IGSF10: variants seen among roughly 807,000 people sequenced by gnomAD.
IGSF10 encodes immunoglobulin superfamily member 10.
IGSF10 carries 126 observed loss-of-function variants against 128.2 expected under a neutral mutation model. The ratio of observed to expected loss-of-function variants is 0.98; its 90% CI spans 0.85 to 1.14. IGSF10 has a LOEUF of 1.14. Among genes scored for constraint, IGSF10 ranks in the 50% most tolerant of loss-of-function variants. IGSF10 has a pLI of 0.00. For missense variants in IGSF10, 3,295 were observed against 3,149.8 expected, an observed-to-expected ratio of 1.05 and a Z score of -1.10; for synonymous variants, 1,185 against 1,146.2, an observed-to-expected ratio of 1.03 and a Z score of -0.68.
the IGSF10 span, among the ~76,000 whole-genome samples, chr3:151,599,687 A>G: frequency 6.6e-6 from 1 of 152,244 alleles, no homozygotes; most frequent in Admixed American, 6.5e-5. Flanking sequence ...TCTTGTTAGT[A>G]GACATTTTTT....
At chr3:151,459,858 C>A (rs1048191518) in intron 2 of IGSF10, among the ~76,000 whole-genome samples, 3 of 152,180 alleles carry the variant, frequency 2.0e-5, no homozygotes, top group African/African-American at 7.2e-5. Flanking sequence ...CCAGCAACCA[C>A]CCTTTAGCTA....
At chr3:151,570,908 T>A in the IGSF10 span, among the ~76,000 whole-genome samples, 6 of 152,240 alleles carry the variant, frequency 3.9e-5, no homozygotes, top group African/African-American at 9.7e-5. Flanking sequence ...AATTAATTTT[T>A]GTATAAGGTG....
the IGSF10 span, among the ~76,000 whole-genome samples, chr3:151,557,865 T>C: frequency 6.7e-6 from 1 of 150,112 alleles, no homozygotes; most frequent in African/African-American, 2.5e-5. Context: ...TCATCTTCAG[T>C]ATATTGTCTA....
the IGSF10 span, among the ~76,000 whole-genome samples, chr3:151,531,581 A>G: frequency 6.6e-6 from 1 of 152,232 alleles, no homozygotes; most frequent in African/African-American, 2.4e-5. Flanking sequence ...TTCCTGAATG[A>G]CTACTGGTAA....
upstream of IGSF10, among the ~76,000 whole-genome samples, chr3:151,463,522 G>GTTTTTTTTTTTTTTTTTTTTTTTTTT (rs1553837055): frequency 6.3e-5 from 2 of 31,870 alleles, no homozygotes. Flanking sequence ...TACATTTTCT[G>GTTTTTTTTTTTTTTTTTTTTTTTTTT]GTTTTTTTTT....
chr3:151,597,899 A>C, the IGSF10 span, among the ~76,000 whole-genome samples: 1 of 144,016 alleles, frequency 6.9e-6, no homozygotes, highest in African/African-American at 2.6e-5. Context: ...CCTGGGTGAC[A>C]GGAGCAAGAC....
chr3:151,542,700 C>T, the IGSF10 span, among the ~76,000 whole-genome samples: 1 of 152,016 alleles, frequency 6.6e-6, no homozygotes, highest in Admixed American at 6.5e-5. Flanking sequence ...ATAAGGAAAA[C>T]TTCTTATAGT....
the IGSF10 span, among the ~76,000 whole-genome samples, chr3:151,478,156 A>AGT: frequency 6.6e-6 from 1 of 152,186 alleles, no homozygotes; most frequent in East Asian, 1.9e-4. Context: ...GTGACAAGGC[A>AGT]GTGGCAAAAC....
At chr3:151,576,892 A>G in the IGSF10 span, among the ~76,000 whole-genome samples, 1 of 152,120 alleles carries the variant, frequency 6.6e-6, no homozygotes, top group African/African-American at 2.4e-5. Flanking sequence ...AGAAATAACC[A>G]TAAAAATAGC....
At chr3:151,540,286 T>G in the IGSF10 span, among the ~76,000 whole-genome samples, 6 of 152,328 alleles carry the variant, frequency 3.9e-5, no homozygotes, top group East Asian at 1.2e-3. Flanking sequence ...TGATCTATAT[T>G]ATTCTCTTCT....
At chr3:151,531,102 A>C in the IGSF10 span, among the ~76,000 whole-genome samples, 1 of 152,222 alleles carries the variant, frequency 6.6e-6, no homozygotes, top group South Asian at 2.1e-4. Context: ...AGGGCATTAC[A>C]TAATGGTAAA....
rs778850625 is a variant in IGSF10 at position 151,445,926 on chromosome 3, T to G, written c.4055A>C (p.Lys1352Thr). Residue 1352 changes from lysine (K) to threonine (T), a missense_variant, in exon 6 of 8, where the codon AAG becomes ACG. Lys to Thr is a moderately conservative substitution (Grantham distance 78). Coordinates refer to ENST00000282466, the MANE Select transcript of IGSF10 (RefSeq NM_178822.5). ...QTIQREQEPQ[K>T]KNRTDPNISP... ...GATGTTTGGGTCAGTCCTGTTCTTC[T>G]TTTGAGGCTCCTGTTCTCTTTGTAT... The G allele has an allele frequency of 1.2e-6, 2 of 1,614,198 alleles. No homozygotes were observed. Among genetic ancestry groups the G allele is most frequent in the South Asian group, 1.1e-5 (1 of 91,086 alleles).
the IGSF10 span, among the ~76,000 whole-genome samples, chr3:151,496,176 C>T: frequency 6.6e-5 from 10 of 150,910 alleles, no homozygotes; most frequent in African/African-American, 1.5e-4. Context: ...GAAGGTCACA[C>T]GGCTTTTGTC....
downstream of IGSF10, chr3:151,432,869 G>T: frequency 1.7e-6 from 2 of 1,209,994 alleles, no homozygotes; most frequent in Non-Finnish European, 2.4e-6. Context: ...CAAATTTAAT[G>T]CATTAGTCAT....
At chr3:151,457,698 A>C (rs1314798558) in intron 3 of IGSF10, among the ~76,000 whole-genome samples, 1 of 152,140 alleles carries the variant, frequency 6.6e-6, no homozygotes, top group East Asian at 1.9e-4. Flanking sequence ...TAAATAATAG[A>C]ACTCACTCCA....
In IGSF10 at chr3:151,443,357, A is replaced by G. The variant is rs772967497; in HGVS notation, c.5590T>C (p.Cys1864Arg). Residue 1864 changes from cysteine to arginine, a missense_variant, in exon 7 of 8, where the codon TGT becomes CGT. Coordinates refer to ENST00000282466, the MANE Select transcript of IGSF10 (RefSeq NM_178822.5). ...GGCTGAGGAGTTCCTTTTGCAGTAC[A>G]GGGCAGTTTTAAACTTTCACCCCAA... ...GTWGESLKLP[C>R]TAKGTPQPSV... 2.5e-6 allele frequency: 4 copies of G among 1,614,250 alleles called. No individual in the cohort carries two copies. In the East Asian group the frequency reaches 6.7e-5, roughly 27 times the overall value.
At chr3:151,462,314 T>C (rs1722091986), upstream of IGSF10, among the ~76,000 whole-genome samples, 1 of 152,158 alleles carries the variant, frequency 6.6e-6, no homozygotes, top group Non-Finnish European at 1.5e-5. Flanking sequence ...GATCAAAAAT[T>C]TGCGGGATCC....
At chr3:151,572,301 T>A in the IGSF10 span, among the ~76,000 whole-genome samples, 1 of 152,146 alleles carries the variant, frequency 6.6e-6, no homozygotes, top group African/African-American at 2.4e-5. Flanking sequence ...AATGGTACCA[T>A]CTCCTCTTTG....
chr3:151,451,664 C>A (rs1486753782), intron 5 of IGSF10, among the ~76,000 whole-genome samples: 5 of 152,130 alleles, frequency 3.3e-5, no homozygotes, highest in Non-Finnish European at 7.4e-5. Flanking sequence ...AGCTTGTATA[C>A]CTATAAAGAC....
Sources: allele counts gnomAD v4.1 joint callset (sites outside exome capture counted in the v4.1 genomes callset), GRCh38; gene constraint gnomAD v4.1.1; transcripts MANE v1.5; gene names NCBI Gene and HGNC (gene_info 2026-07-23, HGNC 2026-07-21).